The following PARD3B variants were observed in gnomAD, a reference collection of about 807,000 sequenced individuals.
PARD3B encodes partitioning defective 3 homolog B.
In PARD3B, 103 loss-of-function variants were observed where a neutral mutation model predicts 130.2. The observed-to-expected ratio is 0.79, with a 90% CI of 0.67 to 0.93. PARD3B has a LOEUF of 0.93. Among genes scored for constraint, PARD3B ranks in the 40% least tolerant of loss-of-function variants. The pLI, the probability that PARD3B is intolerant of heterozygous loss-of-function variation, is 0.00. For synonymous variants in PARD3B, 583 were observed against 553.2 expected (o/e 1.05, Z -0.76); for missense variants, 1,609 against 1,499.2 (o/e 1.07, Z -1.21).
chr2:204,904,153 G>A (rs891408504), intron 2 of PARD3B, among the ~76,000 whole-genome samples: 14 of 152,014 alleles, frequency 9.2e-5, no homozygotes, highest in Non-Finnish European at 1.6e-4. Flanking sequence ...ATTACTCTTT[G>A]TTAAACTTTA....
At chr2:205,361,207 G>A (rs2044376376) in intron 18 of PARD3B, among the ~76,000 whole-genome samples, 1 of 152,156 alleles carries the variant, frequency 6.6e-6, no homozygotes, top group Non-Finnish European at 1.5e-5. Context: ...CAGGTACTTG[G>A]TTTTTGTATC....
At position 205,615,539 on chromosome 2, in the gene PARD3B, G is replaced by T; in HGVS notation, c.3344G>T (p.Gly1115Val). ...GAAAGGGAGCTTCCCTATTATCCAG[G>T]GGCTCATCCTATGCACCCTCCCAAA... ...YKERELPYYP[G>V]AHPMHPPKGS... The change falls in exon 23 of 23, where the codon GGG (glycine) becomes GTG (valine). Residue 1115 changes from glycine (G) to valine (V), a missense_variant. By Grantham distance (109) the Gly-to-Val change is moderately radical. Transcript: ENST00000406610. 1 of 1,614,008 alleles carries T rather than the reference G, an allele frequency of 6.2e-7. No homozygotes were observed. The highest frequency in any genetic ancestry group is 8.5e-7 in the Non-Finnish European group (1 of 1,179,974).
intron 20 of PARD3B, among the ~76,000 whole-genome samples, chr2:205,444,110 G>A (rs1439190839): frequency 6.6e-6 from 1 of 152,174 alleles, no homozygotes. Flanking sequence ...CACTTCCCAA[G>A]TAGCTGGGAC....
At chr2:204,824,383 ATC>A (rs1029255131) in intron 2 of PARD3B, among the ~76,000 whole-genome samples, 1 of 152,088 alleles carries the variant, frequency 6.6e-6, no homozygotes, top group Non-Finnish European at 1.5e-5. Flanking sequence ...CCCTTTCTCC[ATC>A]TCTCTGCTTG....
At chr2:205,413,531 A>G (rs766654073) in intron 19 of PARD3B, among the ~76,000 whole-genome samples, 1 of 152,206 alleles carries the variant, frequency 6.6e-6, no homozygotes, top group Admixed American at 6.5e-5. Context: ...AATTGCTGCA[A>G]TGGAACTAAG....
intron 16 of PARD3B, among the ~76,000 whole-genome samples, chr2:205,273,290 A>G (rs780409561): frequency 9.2e-5 from 14 of 152,190 alleles, no homozygotes; most frequent in East Asian, 3.8e-4. Context: ...AATTCCCACT[A>G]TTGTTGGAAA....
chr2:205,278,646 C>G (rs1014350223), intron 16 of PARD3B, among the ~76,000 whole-genome samples: 1 of 152,114 alleles, frequency 6.6e-6, no homozygotes, highest in African/African-American at 2.4e-5. Context: ...TCTTCCACGA[C>G]AAATTAATGA....
intron 5 of PARD3B, among the ~76,000 whole-genome samples, chr2:205,104,717 A>G (rs1212270005): frequency 1.3e-5 from 2 of 152,126 alleles, no homozygotes; most frequent in Admixed American, 6.5e-5. Flanking sequence ...ATATATACAA[A>G]TGATCCTTAA....
chr2:204,640,073 G>A (rs974750166), intron 1 of PARD3B, among the ~76,000 whole-genome samples: 1 of 152,068 alleles, frequency 6.6e-6, no homozygotes, highest in Non-Finnish European at 1.5e-5. Context: ...GGGCAACATA[G>A]GGAGACCTCA....
chr2:205,162,076 T>C (rs2125720284), intron 11 of PARD3B, among the ~76,000 whole-genome samples: 1 of 152,362 alleles, frequency 6.6e-6, no homozygotes, highest in East Asian at 1.9e-4. Flanking sequence ...CTTTCTGTCA[T>C]GTCATCTCTT....
At chr2:205,299,401 C>T (rs1182093273) in intron 16 of PARD3B, among the ~76,000 whole-genome samples, 2 of 152,060 alleles carry the variant, frequency 1.3e-5, no homozygotes, top group African/African-American at 4.8e-5. Flanking sequence ...ATGACACAGT[C>T]GTTTTTTCCC....
chr2:205,609,404 G>T (rs2055145132), intron 22 of PARD3B, among the ~76,000 whole-genome samples: 1 of 152,160 alleles, frequency 6.6e-6, no homozygotes, highest in Non-Finnish European at 1.5e-5. Flanking sequence ...GCATGGCTCT[G>T]CCAGATGTCG....
At chr2:204,572,994 A>G (rs2032080799) in intron 1 of PARD3B, among the ~76,000 whole-genome samples, 2 of 152,278 alleles carry the variant, frequency 1.3e-5, no homozygotes, top group East Asian at 1.9e-4. Context: ...CTTCTCTGCT[A>G]TCTTAAATTA....
At chr2:204,579,563 G>A (rs2032442316) in intron 1 of PARD3B, among the ~76,000 whole-genome samples, 1 of 152,202 alleles carries the variant, frequency 6.6e-6, no homozygotes, top group South Asian at 2.1e-4. Context: ...GTTGTGACCT[G>A]GAAAATTGGA....
chr2:205,010,144 G>A (rs922053234), intron 3 of PARD3B, among the ~76,000 whole-genome samples: 3 of 152,146 alleles, frequency 2.0e-5, no homozygotes, highest in African/African-American at 7.2e-5. Flanking sequence ...GAGAGAGAAG[G>A]AGTGGAGAGA....
chr2:205,382,786 C>T (rs1316803207), intron 18 of PARD3B, among the ~76,000 whole-genome samples: 1 of 151,932 alleles, frequency 6.6e-6, no homozygotes, highest in Non-Finnish European at 1.5e-5. Flanking sequence ...ATAATCTAGG[C>T]CTATCATTTA....
intron 2 of PARD3B, among the ~76,000 whole-genome samples, chr2:204,704,602 T>G (rs1246521118): frequency 1.3e-5 from 2 of 152,230 alleles, no homozygotes; most frequent in Non-Finnish European, 2.9e-5. Flanking sequence ...CATATTATCT[T>G]GCTTTGCTAA....
At chr2:205,614,441 C>T (rs1418714379) in intron 22 of PARD3B, among the ~76,000 whole-genome samples, 2 of 152,062 alleles carry the variant, frequency 1.3e-5, no homozygotes, top group Admixed American at 6.5e-5. Flanking sequence ...CAGTGGCTCA[C>T]GCCTGTAATC....
chr2:204,592,947 A>G (rs1393681160), intron 1 of PARD3B, among the ~76,000 whole-genome samples: 2 of 152,348 alleles, frequency 1.3e-5, no homozygotes, highest in South Asian at 2.1e-4. Flanking sequence ...ATGTTGTAGC[A>G]TGTGTCAGTA....
Sources: gnomAD v4.1 joint callset for allele counts (sites outside exome capture counted in the v4.1 genomes callset) on GRCh38, gnomAD v4.1.1 for gene constraint, MANE v1.5 for transcripts, NCBI Gene and HGNC (gene_info 2026-07-23, HGNC 2026-07-21) for gene names.